Variants in SGCZ observed in about 807,000 individuals in gnomAD.
The protein encoded by SGCZ is zeta-sarcoglycan.
Under a neutral mutation model 41.3 loss-of-function variants are expected in SGCZ, and 40 were observed. The observed-to-expected ratio is 0.97, with a 90% CI of 0.75 to 1.26. The LOEUF is 1.26. Ranked by LOEUF, SGCZ falls within the 50% of genes most tolerant of loss-of-function variation. SGCZ has a pLI of 0.00. For synonymous variants in SGCZ, 206 were observed against 137.5 expected, an observed-to-expected ratio of 1.50 and a Z score of -3.49; for missense variants, 552 against 369.8, an observed-to-expected ratio of 1.49 and a Z score of -4.04.
intron 5 of SGCZ, among the ~76,000 whole-genome samples, chr8:14,131,868 C>A (rs1253506196): frequency 6.6e-6 from 1 of 152,064 alleles, no homozygotes; most frequent in African/African-American, 2.4e-5. Context: ...CAGTGACATG[C>A]TGTACAGCTT....
intron 1 of SGCZ, among the ~76,000 whole-genome samples, chr8:14,995,132 G>C (rs1232187760): frequency 6.6e-6 from 1 of 152,254 alleles, no homozygotes; most frequent in East Asian, 1.9e-4. Flanking sequence ...TGCCATCAGA[G>C]GCCTTGGGGC....
At chr8:14,299,243 T>C (rs1181471988) in intron 3 of SGCZ, among the ~76,000 whole-genome samples, 1 of 151,828 alleles carries the variant, frequency 6.6e-6, no homozygotes. Context: ...CGGTAGAAAA[T>C]ATTTACAAAT....
chr8:15,059,526 T>G (rs1804839451), intron 1 of SGCZ, among the ~76,000 whole-genome samples: 2 of 152,224 alleles, frequency 1.3e-5, no homozygotes, highest in African/African-American at 4.8e-5. Flanking sequence ...AGTCGTAGAT[T>G]ACATTTAGAA....
At chr8:14,709,440 T>G (rs1471943647) in intron 1 of SGCZ, among the ~76,000 whole-genome samples, 2 of 152,146 alleles carry the variant, frequency 1.3e-5, no homozygotes, top group African/African-American at 4.8e-5. Context: ...AAAGCTCAAT[T>G]ACTCTTACAG....
At chr8:14,218,630 A>AT (rs1299022835) in intron 4 of SGCZ, among the ~76,000 whole-genome samples, 3 of 152,040 alleles carry the variant, frequency 2.0e-5, no homozygotes, top group African/African-American at 7.2e-5. Flanking sequence ...TTCTCACTTT[A>AT]TTTTTTCTTG....
chr8:14,327,420 C>T (rs1802160675), intron 2 of SGCZ, among the ~76,000 whole-genome samples: 1 of 152,170 alleles, frequency 6.6e-6, no homozygotes, highest in Non-Finnish European at 1.5e-5. Context: ...CATATATATT[C>T]TTAAATGCCT....
At chr8:14,133,250 A>G (rs1337712799) in intron 5 of SGCZ, among the ~76,000 whole-genome samples, 1 of 152,162 alleles carries the variant, frequency 6.6e-6, no homozygotes, top group African/African-American at 2.4e-5. Context: ...GAACGTCCCA[A>G]TTTCCCAGAG....
At chr8:14,253,603 G>C (rs1177087629) in intron 3 of SGCZ, among the ~76,000 whole-genome samples, 1 of 151,982 alleles carries the variant, frequency 6.6e-6, no homozygotes, top group Admixed American at 6.6e-5. Context: ...AAGAGATATA[G>C]TTCATTGGTT....
chr8:15,207,676 G>A (rs1347927558), intron 1 of SGCZ, among the ~76,000 whole-genome samples: 1 of 152,152 alleles, frequency 6.6e-6, no homozygotes, highest in African/African-American at 2.4e-5. Context: ...AAAAGTAGAA[G>A]CAGATGCTTT....
chr8:15,218,406 G>C (rs1411251348), intron 1 of SGCZ, among the ~76,000 whole-genome samples: 2 of 152,180 alleles, frequency 1.3e-5, no homozygotes, highest in Non-Finnish European at 2.9e-5. Context: ...ACATCCCAAT[G>C]CATATTTTTA....
chr8:14,403,017 T>C (rs1799119903), intron 2 of SGCZ, among the ~76,000 whole-genome samples: 1 of 149,906 alleles, frequency 6.7e-6, no homozygotes, highest in Non-Finnish European at 1.5e-5. Context: ...CCCTTGTAAG[T>C]TGGATTCCTA....
intron 1 of SGCZ, among the ~76,000 whole-genome samples, chr8:15,184,141 T>C (rs949043025): frequency 9.1e-4 from 139 of 152,372 alleles, no homozygotes; most frequent in African/African-American, 3.2e-3. Flanking sequence ...TTAAAACATT[T>C]AATTCTCCTT....
intron 1 of SGCZ, among the ~76,000 whole-genome samples, chr8:14,562,218 C>A (rs1804226923): frequency 6.6e-6 from 1 of 152,094 alleles, no homozygotes; most frequent in Admixed American, 6.6e-5. Context: ...GGAATCATTA[C>A]TTCAGTATTT....
At chr8:14,977,858 G>T (rs1801530581) in intron 1 of SGCZ, among the ~76,000 whole-genome samples, 1 of 149,162 alleles carries the variant, frequency 6.7e-6, no homozygotes, top group South Asian at 2.1e-4. Flanking sequence ...TAGTTATCAG[G>T]CTTTAAAATC....
At chr8:14,733,575 ATCTTT>A (rs1002997775) in intron 1 of SGCZ, among the ~76,000 whole-genome samples, 2 of 152,324 alleles carry the variant, frequency 1.3e-5, no homozygotes, top group African/African-American at 4.8e-5. Context: ...TCTTCCTTGA[ATCTTT>A]TCTTGTTAAA....
At chr8:14,939,995 C>T (rs1396654912) in intron 1 of SGCZ, among the ~76,000 whole-genome samples, 1 of 152,134 alleles carries the variant, frequency 6.6e-6, no homozygotes, top group African/African-American at 2.4e-5. Flanking sequence ...GCACAGCAGA[C>T]AGTCAATAGA....
chr8:14,621,706 T>C (rs1204337714), intron 1 of SGCZ, among the ~76,000 whole-genome samples: 3 of 148,492 alleles, frequency 2.0e-5, no homozygotes, highest in Non-Finnish European at 4.4e-5. Flanking sequence ...CCAGCAGATC[T>C]CTTAAACACT....
chr8:14,592,211 C>T (rs1185179817), intron 1 of SGCZ, among the ~76,000 whole-genome samples: 3 of 151,992 alleles, frequency 2.0e-5, no homozygotes, highest in Non-Finnish European at 4.4e-5. Flanking sequence ...GCCTTAGATT[C>T]CTAGTTTTAA....
chr8:14,660,247 A>T (rs185819134), intron 1 of SGCZ, among the ~76,000 whole-genome samples: 3 of 152,292 alleles, frequency 2.0e-5, no homozygotes, highest in Admixed American at 2.0e-4. Flanking sequence ...GAAGAAAATA[A>T]AAGGGTTGAA....
Sources: allele counts gnomAD v4.1 joint callset (sites outside exome capture counted in the v4.1 genomes callset), GRCh38; gene constraint gnomAD v4.1.1; transcripts MANE v1.5; gene names NCBI Gene and HGNC (gene_info 2026-07-23, HGNC 2026-07-21).